The following BICC1 variants were observed in gnomAD, a reference collection of about 807,000 sequenced individuals.
BICC1 encodes the protein BicC family RNA binding protein 1.
BICC1 carries 43 observed loss-of-function variants against 111.0 expected under a neutral mutation model. The ratio of observed to expected loss-of-function variants is 0.39; its 90% CI spans 0.30 to 0.50. The LOEUF (loss-of-function observed/expected upper bound fraction) is 0.50. BICC1 is among the 20% of genes least tolerant of loss of function. BICC1 has a pLI of 0.88. For synonymous variants in BICC1, 467 were observed against 434.4 expected, an observed-to-expected ratio of 1.07 and a Z score of -0.93; for missense variants, 1,091 against 1,203.2, an observed-to-expected ratio of 0.91 and a Z score of 1.38.
intron 1 of BICC1, among the ~76,000 whole-genome samples, chr10:58,568,464 A>G (rs1617068): frequency 0.99 from 151,367 of 152,300 alleles, 75,223 homozygotes; most frequent in East Asian, 1. Context: ...TCTGTATTAT[A>G]TAGCACTTAT....
intron 1 of BICC1, among the ~76,000 whole-genome samples, chr10:58,573,677 A>G (rs564649888): frequency 6.6e-6 from 1 of 152,226 alleles, no homozygotes; most frequent in Admixed American, 6.6e-5. Flanking sequence ...GCCCAGTTGT[A>G]TGACTGTTCT....
At chr10:58,580,130 T>C (rs1371595914) in intron 1 of BICC1, among the ~76,000 whole-genome samples, 1 of 152,078 alleles carries the variant, frequency 6.6e-6, no homozygotes, top group Admixed American at 6.5e-5. Context: ...CTTCAAGTGA[T>C]TCTCCTGCCT....
At chr10:58,762,447 A>G (rs945521581) in intron 3 of BICC1, among the ~76,000 whole-genome samples, 32 of 152,256 alleles carry the variant, frequency 2.1e-4, no homozygotes, top group African/African-American at 7.7e-4. Flanking sequence ...CAAGATTCAT[A>G]AGGTTTTACA....
rs769695375 is a variant in BICC1, at chr10:58,786,964, A to G, written c.429A>G (p.Glu143=). The G allele has an allele frequency of 7.5e-6, 12 of 1,607,018 alleles. No individual in the cohort carries two copies. The highest frequency in any genetic ancestry group is 8.5e-6 in the Non-Finnish European group (10 of 1,177,582). Residue 143 remains glutamate (E), a synonymous_variant, in exon 5 of 21, where the codon GAA becomes GAG. Transcript: ENST00000373886. ...VTLKMDVSHT[E]HSHVIGKGGN... is the part of the protein sequence containing the mutation. ...TGAAGATGGATGTTTCACATACAGA[A>G]CATTCACATGTAATCGGCAAAGGTG...
In BICC1 at chr10:58,792,679, A is replaced by G. The variant is rs184027345; in HGVS notation, c.1048-805A>G. Among the ~76,000 whole-genome samples, 118 of 152,122 alleles carry G rather than the reference A, an allele frequency of 7.8e-4. 1 individual carries two copies. Among genetic ancestry groups the G allele is most frequent in the African/African-American group, 2.6e-3 (108 of 41,490 alleles). On this transcript the variant is annotated intron_variant, in intron 8 of 20. Coordinates refer to ENST00000373886, the MANE Select transcript of BICC1 (RefSeq NM_001080512.3). The stretch of plus-strand genomic sequence containing the variant: ...TGATGATCTGTCACTGTCTCCCATC[A>G]CCTCCAGATGGGACCGTCTAGTTGC...
chr10:58,540,245 A>G (rs1842925578), intron 1 of BICC1, among the ~76,000 whole-genome samples: 1 of 151,776 alleles, frequency 6.6e-6, no homozygotes, highest in Non-Finnish European at 1.5e-5. Flanking sequence ...AAGTTAGCAG[A>G]AGGAAGGGAG....
Position 58,799,050 on chromosome 10 carries a change from T to G in BICC1, c.1529-6T>G. The G allele has an allele frequency of 1.3e-6, 2 of 1,554,760 alleles. No homozygotes were observed. Among genetic ancestry groups the G allele is most frequent in the Non-Finnish European group, 1.8e-6 (2 of 1,141,188 alleles). On this transcript the variant is annotated splice_polypyrimidine_tract_variant and splice_region_variant and intron_variant, in intron 11 of 20. Coordinates refer to ENST00000373886, the MANE Select transcript of BICC1 (RefSeq NM_001080512.3). ...TAATATCTGTCATCATAAAATGTTG[T>G]TGTAGGTTTTTCTGCTATACCACAC...
chr10:58,585,386 A>G (rs529004220), intron 1 of BICC1, among the ~76,000 whole-genome samples: 11 of 152,308 alleles, frequency 7.2e-5, no homozygotes, highest in African/African-American at 2.4e-4. Context: ...AGAAGATCCA[A>G]TGATGAATGG....
At position 58,789,457 on chromosome 10, in the gene BICC1, G is replaced by A; in HGVS notation, c.795+1G>A. 6.2e-7 allele frequency: 1 copy of A among 1,609,128 alleles called. No homozygotes were observed. Among genetic ancestry groups the A allele is most frequent in the Non-Finnish European group, 8.5e-7 (1 of 1,177,028 alleles). Reference sequence around the variant, plus strand: ...TCAGAATAACACTAGTGCTGTGAAGGTAAATTATTCAGATAATTCTGCACA... The same window carrying A: ...TCAGAATAACACTAGTGCTGTGAAGATAAATTATTCAGATAATTCTGCACA... On this transcript the variant is annotated splice_donor_variant, in intron 7 of 20. Coordinates refer to ENST00000373886, the MANE Select transcript of BICC1 (RefSeq NM_001080512.3). LOFTEE classifies it high-confidence loss of function.
At chr10:58,541,240 G>A (rs1842971600) in intron 1 of BICC1, among the ~76,000 whole-genome samples, 1 of 151,930 alleles carries the variant, frequency 6.6e-6, no homozygotes. Context: ...CATCCAAATA[G>A]GAAAGGAATA....
At chr10:58,523,056 T>A (rs1842435109) in intron 1 of BICC1, among the ~76,000 whole-genome samples, 1 of 152,168 alleles carries the variant, frequency 6.6e-6, no homozygotes, top group South Asian at 2.1e-4. Flanking sequence ...ATTGAGGCAA[T>A]AATTAATAGC....
At chr10:58,517,183 G>A (rs1347755977) in intron 1 of BICC1, among the ~76,000 whole-genome samples, 1 of 152,140 alleles carries the variant, frequency 6.6e-6, no homozygotes, top group African/African-American at 2.4e-5. Flanking sequence ...GTGTTAAAAA[G>A]TGGGACCTGT....
chr10:58,684,315 G>T (rs930869571), intron 2 of BICC1, among the ~76,000 whole-genome samples: 2 of 152,190 alleles, frequency 1.3e-5, no homozygotes, highest in Non-Finnish European at 2.9e-5. Flanking sequence ...ATGTCATCAG[G>T]GATATTGGTC....
intron 3 of BICC1, among the ~76,000 whole-genome samples, chr10:58,771,426 C>T (rs557256471): frequency 6.6e-6 from 1 of 152,090 alleles, no homozygotes; most frequent in Non-Finnish European, 1.5e-5. Flanking sequence ...CCCATTAGAT[C>T]ACAGGGCCTA....
At chr10:58,540,177 A>G (rs79876689) in intron 1 of BICC1, among the ~76,000 whole-genome samples, 5 of 152,028 alleles carry the variant, frequency 3.3e-5, no homozygotes, top group South Asian at 2.1e-4. Context: ...AAAATCTCCA[A>G]TCAACAACCT....
intron 2 of BICC1, among the ~76,000 whole-genome samples, chr10:58,690,435 G>A (rs1177771545): frequency 1.3e-5 from 2 of 152,202 alleles, no homozygotes; most frequent in Admixed American, 6.5e-5. Flanking sequence ...AGTTTGAGTC[G>A]CTGAGTGACT....
chr10:58,654,016 AT>A (rs1838541875), intron 2 of BICC1, among the ~76,000 whole-genome samples: 1 of 150,806 alleles, frequency 6.6e-6, no homozygotes, highest in South Asian at 2.1e-4. Context: ...TGAACTCATC[AT>A]TTTTTATGGC....
intron 1 of BICC1, among the ~76,000 whole-genome samples, chr10:58,548,676 A>G (rs1389850037): frequency 6.6e-6 from 1 of 152,126 alleles, no homozygotes; most frequent in Non-Finnish European, 1.5e-5. Flanking sequence ...TGACCTATTT[A>G]CTGTCACTGT....
At chr10:58,600,365 A>G (rs1173412806) in intron 1 of BICC1, among the ~76,000 whole-genome samples, 2 of 152,062 alleles carry the variant, frequency 1.3e-5, no homozygotes, top group Admixed American at 6.6e-5. Flanking sequence ...GTTGTGAGCC[A>G]CGGCCCGGGA....
Sources: gnomAD v4.1 joint callset for allele counts (sites outside exome capture counted in the v4.1 genomes callset) on GRCh38, gnomAD v4.1.1 for gene constraint, MANE v1.5 for transcripts, NCBI Gene and HGNC (gene_info 2026-07-23, HGNC 2026-07-21) for gene names.